VSNL1: variants seen among roughly 807,000 people sequenced by gnomAD.
The protein encoded by VSNL1 is visinin-like protein 1.
Under a neutral mutation model 20.4 loss-of-function variants are expected in VSNL1, and 6 were observed. The ratio of observed to expected loss-of-function variants is 0.29; its 90% CI spans 0.16 to 0.58. The LOEUF (loss-of-function observed/expected upper bound fraction) is 0.58, where lower values mean the gene tolerates loss of function less well. VSNL1 is among the 20% of genes least tolerant of loss of function. VSNL1 has a pLI of 0.90. For missense variants in VSNL1, 100 were observed against 234.5 expected (o/e 0.43, Z 3.75); for synonymous variants, 93 against 86.4 (o/e 1.08, Z -0.42).
At position 17,574,162 on chromosome 2, in the gene VSNL1, C is replaced by T. The variant is rs77792795; in HGVS notation, c.-5-17908C>T. 3.7e-4 allele frequency among the ~76,000 whole-genome samples: 57 copies of T among 152,240 alleles called. 3 individuals carry two copies. The East Asian group carries it at 0.01, about 27-fold the overall frequency. On this transcript the variant is annotated intron_variant, in intron 1 of 3. Coordinates refer to ENST00000295156, the MANE Select transcript of VSNL1 (RefSeq NM_003385.5). ...ATTCTCCTGCAAGTCATAACTGACC[C>T]GTAGGTTCTGGGTAAATCCTATCCT... is the stretch of plus-strand genomic sequence containing the variant.
At chr2:17,601,238 G>A (rs2103384701) in intron 2 of VSNL1, among the ~76,000 whole-genome samples, 1 of 152,328 alleles carries the variant, frequency 6.6e-6, no homozygotes, top group Non-Finnish European at 1.5e-5. Flanking sequence ...TAAGGACATT[G>A]AAGCCCTTGA....
chr2:17,563,024 T>G (rs1663854883), intron 1 of VSNL1, among the ~76,000 whole-genome samples: 1 of 152,116 alleles, frequency 6.6e-6, no homozygotes, highest in Non-Finnish European at 1.5e-5. Context: ...AGCTTAACAC[T>G]ACCTCCTTGA....
rs993259821 is a variant in VSNL1 at position 17,634,180 on chromosome 2, C to T, written c.163-15230C>T. On this transcript the variant is annotated intron_variant, in intron 2 of 3. Coordinates refer to ENST00000295156, the MANE Select transcript of VSNL1 (RefSeq NM_003385.5). The surrounding 1 kb of genome is among the most constrained non-coding windows in gnomAD (Gnocchi z 4.3). ...AGGTTAAGGCCTAGACTTGCAGATG[C>T]GCTCACTCATTGTAACAGCAGTGTG... Among the ~76,000 whole-genome samples the T allele has an allele frequency of 2.6e-5, 4 of 152,162 alleles. No homozygotes were observed. Among genetic ancestry groups the T allele is most frequent in the Admixed American group, 6.5e-5 (1 of 15,270 alleles).
intron 1 of VSNL1, among the ~76,000 whole-genome samples, chr2:17,549,389 T>TGC: frequency 6.6e-6 from 1 of 152,206 alleles, no homozygotes; most frequent in Admixed American, 6.5e-5. Flanking sequence ...GATAGATAGA[T>TGC]ACATACATAC....
chr2:17,548,454 C>G (rs193251450), intron 1 of VSNL1, among the ~76,000 whole-genome samples: 1 of 152,202 alleles, frequency 6.6e-6, no homozygotes, highest in Non-Finnish European at 1.5e-5. Flanking sequence ...CTGGATGATT[C>G]ATAGAATTGA....
chr2:17,569,016 A>G (rs1267796105), intron 1 of VSNL1, among the ~76,000 whole-genome samples: 6 of 152,078 alleles, frequency 3.9e-5, no homozygotes, highest in Admixed American at 3.3e-4. Flanking sequence ...ATGTTCTTAA[A>G]TTTCATTGTC....
Position 17,634,407 on chromosome 2 carries a change from A to G in VSNL1, c.163-15003A>G, listed in dbSNP as rs562165631. Among the ~76,000 whole-genome samples the G allele has an allele frequency of 6.6e-6, 1 of 152,354 alleles. No individual in the cohort carries two copies. The highest frequency in any genetic ancestry group is 2.4e-5 in the African/African-American group (1 of 41,580). On this transcript the variant is annotated intron_variant, in intron 2 of 3. Transcript: ENST00000295156. This position sits in a 1 kb window ranked among gnomAD's most constrained non-coding sequence, Gnocchi z 4.3. ...GGCAAAGTTTGTTATGCAGTTGACCAGGAGAGAAGGCAATAGGAACTTCTG... is the reference window on the plus strand; with the variant it reads ...GGCAAAGTTTGTTATGCAGTTGACCGGGAGAGAAGGCAATAGGAACTTCTG...
At chr2:17,653,657 G>C (rs1020433984) in intron 3 of VSNL1, among the ~76,000 whole-genome samples, 1 of 152,190 alleles carries the variant, frequency 6.6e-6, no homozygotes, top group Non-Finnish European at 1.5e-5. Flanking sequence ...TTTTATCTCA[G>C]TGGACATTTT....
At chr2:17,570,309 T>A (rs1246932396) in intron 1 of VSNL1, among the ~76,000 whole-genome samples, 1 of 152,224 alleles carries the variant, frequency 6.6e-6, no homozygotes, top group South Asian at 2.1e-4. Context: ...ATGCAGATGC[T>A]TGGGAGAATC....
At chr2:17,651,731 C>T (rs924238213) in intron 3 of VSNL1, among the ~76,000 whole-genome samples, 1 of 152,226 alleles carries the variant, frequency 6.6e-6, no homozygotes, top group Non-Finnish European at 1.5e-5. Flanking sequence ...CACGTTTCTC[C>T]CCATCACTTC....
chr2:17,570,525 T>C (rs1320138755), intron 1 of VSNL1, among the ~76,000 whole-genome samples: 1 of 152,240 alleles, frequency 6.6e-6, no homozygotes, highest in East Asian at 1.9e-4. Context: ...TTGGTATTAT[T>C]TGAAAACTTA....
intron 1 of VSNL1, among the ~76,000 whole-genome samples, chr2:17,590,618 G>T (rs184408576): frequency 8.5e-5 from 13 of 152,280 alleles, no homozygotes; most frequent in African/African-American, 3.1e-4. Context: ...AATTTCCCTG[G>T]AAGTAGCAAG....
chr2:17,636,169 T>C (rs1665743693), intron 2 of VSNL1, among the ~76,000 whole-genome samples: 1 of 151,956 alleles, frequency 6.6e-6, no homozygotes, highest in Non-Finnish European at 1.5e-5. Flanking sequence ...AGCCAGGGTC[T>C]TGGGAAAATG....
At chr2:17,621,229 TTC>T (rs1665347967) in intron 2 of VSNL1, among the ~76,000 whole-genome samples, 1 of 151,476 alleles carries the variant, frequency 6.6e-6, no homozygotes, top group African/African-American at 2.4e-5. Flanking sequence ...CTCTCTCTCT[TTC>T]TTTCTTTCCT....
At chr2:17,543,829 G>GT (rs1663349598) in intron 1 of VSNL1, among the ~76,000 whole-genome samples, 1 of 152,266 alleles carries the variant, frequency 6.6e-6, no homozygotes, top group African/African-American at 2.4e-5. Context: ...CCTTCCTCCT[G>GT]TTTTTTCTCC....
intron 2 of VSNL1, among the ~76,000 whole-genome samples, chr2:17,637,610 G>A (rs1352952843): frequency 1.3e-5 from 2 of 152,074 alleles, no homozygotes; most frequent in Non-Finnish European, 2.9e-5. Flanking sequence ...CAAATCCCAA[G>A]TGCCTGGAGG....
intron 1 of VSNL1, among the ~76,000 whole-genome samples, chr2:17,574,699 C>A (rs141344323): frequency 1.5e-3 from 223 of 152,304 alleles, no homozygotes; most frequent in African/African-American, 5.0e-3. Flanking sequence ...ATGCTGTAAT[C>A]TTTGGGTTGG....
intron 2 of VSNL1, among the ~76,000 whole-genome samples, chr2:17,635,308 A>T (rs974506443): frequency 2.6e-5 from 4 of 152,168 alleles, no homozygotes; most frequent in Admixed American, 1.3e-4. Context: ...CCTGACAGCA[A>T]GCTGTGGGCG....
intron 2 of VSNL1, among the ~76,000 whole-genome samples, chr2:17,619,762 G>A: frequency 6.6e-6 from 1 of 151,994 alleles, no homozygotes; most frequent in Non-Finnish European, 1.5e-5. Context: ...AGGAATGAGG[G>A]TAACGTATTC....
Sources: allele counts gnomAD v4.1 joint callset (sites outside exome capture counted in the v4.1 genomes callset), GRCh38; gene constraint gnomAD v4.1.1; non-coding constraint Gnocchi (gnomAD v3.1); transcripts MANE v1.5; gene names NCBI Gene and HGNC (gene_info 2026-07-23, HGNC 2026-07-21).